Variants in HIVEP1 observed in about 807,000 individuals in gnomAD.
HIVEP1 encodes the protein HIVEP zinc finger 1, also known as zinc finger protein 40.
A neutral mutation model predicts 180.0 loss-of-function variants in HIVEP1; 36 were observed. The observed-to-expected ratio is 0.20, with a 90% CI of 0.15 to 0.26. HIVEP1 has a LOEUF of 0.26. HIVEP1 is among the 10% of genes least tolerant of loss of function. The probability of loss-of-function intolerance (pLI) is 1.00; values close to 1 mark genes in which losing one functional copy is unlikely to be tolerated. For synonymous variants in HIVEP1, 1,239 were observed against 1,239.0 expected (o/e 1.00, Z 0.00); for missense variants, 3,143 against 3,268.7 (o/e 0.96, Z 0.94).
the HIVEP1 span, among the ~76,000 whole-genome samples, chr6:12,204,796 T>C: frequency 6.6e-6 from 1 of 152,194 alleles, no homozygotes; most frequent in East Asian, 1.9e-4. Context: ...TTAAAACTTA[T>C]ATTATTCATG....
At chr6:12,066,876 G>GTT (rs1347312450) in intron 2 of HIVEP1, among the ~76,000 whole-genome samples, 12 of 151,596 alleles carry the variant, frequency 7.9e-5, no homozygotes, top group African/African-American at 2.9e-4. Flanking sequence ...CTGTGTGTGT[G>GTT]TGTGTGTATA....
chr6:12,144,645 A>G (rs1250482537), intron 7 of HIVEP1, among the ~76,000 whole-genome samples: 2 of 152,256 alleles, frequency 1.3e-5, no homozygotes, highest in Non-Finnish European at 2.9e-5. Context: ...GCTAATATCC[A>G]GAATCTACAA....
intron 7 of HIVEP1, among the ~76,000 whole-genome samples, 171 bp from the exon 8 acceptor site, chr6:12,161,268 A>G (rs573160115): frequency 1.3e-5 from 2 of 152,206 alleles, no homozygotes; most frequent in Admixed American, 6.5e-5. Context: ...CTGATGGCCA[A>G]CTGTCTTATT....
At chr6:12,204,028 G>A in the HIVEP1 span, among the ~76,000 whole-genome samples, 2 of 151,952 alleles carry the variant, frequency 1.3e-5, no homozygotes, top group African/African-American at 4.8e-5. Context: ...AGTGAGCTGA[G>A]TTTGCACCAC....
chr6:12,153,007 A>G (rs182447438), intron 7 of HIVEP1, among the ~76,000 whole-genome samples: 26 of 152,244 alleles, frequency 1.7e-4, no homozygotes, highest in African/African-American at 6.3e-4. Flanking sequence ...AAAAGAAATC[A>G]GCATGCTTCT....
At chr6:12,012,242 GCCCCGCGCTCCC>G (rs1767382509), upstream of HIVEP1, 1 of 134,784 alleles carries the variant, frequency 7.4e-6, no homozygotes, top group Admixed American at 7.2e-5. Flanking sequence ...CCGCCCGCGC[GCCCCGCGCTCCC>G]CCCCCCGCCC....
chr6:12,190,356 G>A, the HIVEP1 span, among the ~76,000 whole-genome samples: 1 of 152,162 alleles, frequency 6.6e-6, no homozygotes, highest in South Asian at 2.1e-4. Context: ...TCTTTCCAGA[G>A]GTTCAGGCCC....
chr6:12,211,869 G>A, the HIVEP1 span, among the ~76,000 whole-genome samples: 1 of 152,186 alleles, frequency 6.6e-6, no homozygotes, highest in Admixed American at 6.5e-5. Context: ...AGTCTACCTT[G>A]AGCCTTTCCA....
chr6:12,099,183 G>GGTTTT (rs373744044), intron 3 of HIVEP1, among the ~76,000 whole-genome samples: 1 of 138,444 alleles, frequency 7.2e-6, no homozygotes, highest in African/African-American at 2.7e-5. Context: ...ATGTCACTGA[G>GGTTTT]TTTTTTTTTT....
At chr6:12,079,271 T>A (rs1364326041) in intron 2 of HIVEP1, among the ~76,000 whole-genome samples, 1 of 152,200 alleles carries the variant, frequency 6.6e-6, no homozygotes, top group African/African-American at 2.4e-5. Context: ...TTAAATAGTT[T>A]TTGTATCTTC....
chr6:12,170,337 A>G, the HIVEP1 span, among the ~76,000 whole-genome samples: 1 of 152,058 alleles, frequency 6.6e-6, no homozygotes, highest in Non-Finnish European at 1.5e-5. Context: ...AGACATTTAA[A>G]TATGGCCTTG....
chr6:12,108,742 C>T (rs956719480), intron 3 of HIVEP1, among the ~76,000 whole-genome samples: 5 of 152,192 alleles, frequency 3.3e-5, no homozygotes, highest in African/African-American at 4.8e-5. Context: ...AAGCGCCGCG[C>T]GCACCCCCGG....
intron 4 of HIVEP1, among the ~76,000 whole-genome samples, chr6:12,127,318 A>G (rs556792176): frequency 2.6e-5 from 4 of 152,376 alleles, no homozygotes; most frequent in East Asian, 3.9e-4. Flanking sequence ...TGGAGAACCA[A>G]TGATACTTTC....
chr6:12,115,334 T>C (rs1031797832), intron 3 of HIVEP1, among the ~76,000 whole-genome samples: 11 of 147,776 alleles, frequency 7.4e-5, no homozygotes, highest in Admixed American at 4.0e-4. Flanking sequence ...TCTTAACTTA[T>C]ACTTCCCCAA....
intron 2 of HIVEP1, among the ~76,000 whole-genome samples, chr6:12,027,402 A>G (rs956598): frequency 0.83 from 125,592 of 152,176 alleles, 51,938 homozygotes; most frequent in Middle Eastern, 0.94. Context: ...CTTAGAGGTC[A>G]AGTTAGTCTT....
rs115655609 is a variant in HIVEP1 at position 12,157,621 on chromosome 6, G to A, written c.6488-3818G>A. ...TTTTACATTTACATCTACTGTGAAC[G>A]CACAGTACATTGTTTTACACATTCA... is the stretch of plus-strand genomic sequence containing the variant. On this transcript the variant is annotated intron_variant, in intron 7 of 8. Coordinates refer to ENST00000379388, the MANE Select transcript of HIVEP1 (RefSeq NM_002114.4). 5.5e-3 allele frequency among the ~76,000 whole-genome samples: 839 copies of A among 152,018 alleles called. 4 individuals carry two copies. Among genetic ancestry groups the A allele is most frequent in the African/African-American group, 0.019 (778 of 41,446 alleles).
intron 2 of HIVEP1, among the ~76,000 whole-genome samples, chr6:12,069,853 C>T (rs531271916): frequency 6.6e-6 from 1 of 152,088 alleles, no homozygotes; most frequent in African/African-American, 2.4e-5. Context: ...TTAAAGCAAA[C>T]ACATCGTATA....
the HIVEP1 span, among the ~76,000 whole-genome samples, chr6:12,181,713 A>G: frequency 2.6e-5 from 4 of 152,222 alleles, no homozygotes; most frequent in African/African-American, 9.6e-5. Context: ...CGCCCTCGCT[A>G]CAGTCAGTAC....
intron 2 of HIVEP1, among the ~76,000 whole-genome samples, chr6:12,050,859 T>C (rs1171943564): frequency 6.6e-6 from 1 of 151,396 alleles, no homozygotes; most frequent in African/African-American, 2.4e-5. Context: ...AAATGTTCTA[T>C]TGATGAAGGT....
Sources: allele counts gnomAD v4.1 joint callset (sites outside exome capture counted in the v4.1 genomes callset), GRCh38; gene constraint gnomAD v4.1.1; transcripts MANE v1.5; gene names NCBI Gene and HGNC (gene_info 2026-07-23, HGNC 2026-07-21).